The following PTPN21 variants were observed in gnomAD, a reference collection of about 807,000 sequenced individuals.
PTPN21 encodes protein tyrosine phosphatase non-receptor type 21.
A neutral mutation model predicts 131.8 loss-of-function variants in PTPN21; 77 were observed. The observed-to-expected ratio is 0.58, with a 90% confidence interval of 0.49 to 0.71. PTPN21 has a LOEUF of 0.71. PTPN21 is among the 30% of genes least tolerant of loss of function. The pLI, the probability that PTPN21 is intolerant of heterozygous loss-of-function variation, is 0.00. For synonymous variants in PTPN21, 715 were observed against 621.3 expected (o/e 1.15, Z -2.24); for missense variants, 1,552 against 1,527.1 (o/e 1.02, Z -0.27).
intron 1 of PTPN21, chr14:88,552,064 C>T (rs539953322): frequency 6.6e-6 from 1 of 152,366 alleles, no homozygotes; most frequent in South Asian, 2.1e-4. Flanking sequence ...TGAGTTCCGG[C>T]CCGGGACCGC....
At chr14:88,520,719 A>G (rs751644765) in intron 2 of PTPN21, among the ~76,000 whole-genome samples, 4 of 152,200 alleles carry the variant, frequency 2.6e-5, no homozygotes, top group Non-Finnish European at 4.4e-5. Flanking sequence ...TAGGAGTGAA[A>G]TGGTAAAGTC....
At position 88,469,509 on chromosome 14, in the gene PTPN21, C is replaced by T. The variant is rs1266469537; in HGVS notation, c.3225G>A (p.Lys1075=). The T allele has an allele frequency of 3.1e-6, 5 of 1,613,000 alleles. No individual in the cohort carries two copies. Among genetic ancestry groups the T allele is most frequent in the Non-Finnish European group, 4.2e-6 (5 of 1,178,980 alleles). The change falls in exon 17 of 19, where the codon AAG becomes AAA. Residue 1075 remains lysine (K), a synonymous_variant. Coordinates refer to ENST00000556564, the MANE Select transcript of PTPN21 (RefSeq NM_007039.4). This position sits in a 1 kb window ranked among gnomAD's most constrained non-coding sequence, Gnocchi z 4.3. ...WPEHGCPEDL[K]GFLSYLEEIQ... is the part of the protein sequence containing the mutation. Reference sequence around the variant, plus strand: ...GTTAAAGTCACTCACATAAAAATCCCTTGAGGTCTTCTGGACAGCCATGTT... The same window carrying T: ...GTTAAAGTCACTCACATAAAAATCCTTTGAGGTCTTCTGGACAGCCATGTT...
At chr14:88,509,873 T>C (rs10150041) in intron 3 of PTPN21, among the ~76,000 whole-genome samples, 1 of 151,934 alleles carries the variant, frequency 6.6e-6, no homozygotes, top group South Asian at 2.1e-4. Context: ...CCATCTCTAC[T>C]AAAAATACAA....
intron 8 of PTPN21, 33 bp downstream of exon 8, chr14:88,500,750 T>C (rs774320869): frequency 3.9e-5 from 56 of 1,436,392 alleles, no homozygotes; most frequent in East Asian, 1.8e-4. Flanking sequence ...ACAGGAGCCA[T>C]AGAAAACATA....
At chr14:88,539,785 A>AT (rs1168909256) in intron 2 of PTPN21, among the ~76,000 whole-genome samples, 1 of 152,228 alleles carries the variant, frequency 6.6e-6, no homozygotes, top group Non-Finnish European at 1.5e-5. Flanking sequence ...GGTAGCATAC[A>AT]TTATACAAAT....
intron 10 of PTPN21, among the ~76,000 whole-genome samples, chr14:88,495,575 A>C (rs113137046): frequency 0.037 from 5,638 of 152,238 alleles, 354 homozygotes; most frequent in African/African-American, 0.13. Context: ...CAGGAGAATC[A>C]CTTGAACCGG....
At position 88,469,675 on chromosome 14, in the gene PTPN21, G is replaced by C. The variant is rs1407789964; in HGVS notation, c.3059C>G (p.Thr1020Ser). 1 of 1,614,196 alleles carries C rather than the reference G, an allele frequency of 6.2e-7. No homozygotes were observed. ...GATCTTAAACCTTCCATAGGTGACAGTGTTGTGCCTGGAACCAAGTCGTGG... is the reference window on the plus strand; with the variant it reads ...GATCTTAAACCTTCCATAGGTGACACTGTTGTGCCTGGAACCAAGTCGTGG... The part of the protein sequence containing the change: ...YWPRLGSRHN[T>S]VTYGRFKITT... The change falls in exon 17 of 19, where the codon ACT becomes AGT. Residue 1020 changes from threonine to serine, a missense_variant. This residue lies in a region of PTPN21 where 316 missense variants were observed against 378.5 expected (regional missense o/e 0.83). Transcript: ENST00000556564. The surrounding 1 kb of genome is among the most constrained non-coding windows in gnomAD (Gnocchi z 4.3).
Position 88,550,516 on chromosome 14 carries a change from G to A in PTPN21, c.-99C>T, listed in dbSNP as rs867126907. ...GGAGAAAGCGATCCTCTCCGGATGG[G>A]ACGAACACTGTCCGGCCTCCAGCTG... On this transcript the variant is annotated 5_prime_UTR_variant, in exon 2 of 19. Coordinates refer to ENST00000556564, the MANE Select transcript of PTPN21 (RefSeq NM_007039.4). The A allele has an allele frequency of 3.5e-6, 4 of 1,151,322 alleles. No homozygotes were observed. Among genetic ancestry groups the A allele is most frequent in the Middle Eastern group, 5.0e-4 (2 of 4,028 alleles). 71.3% of individuals were successfully genotyped at this position (1,151,322 alleles called of 1,614,324 possible). A position where few individuals can be genotyped will look rare whatever the true frequency, so the allele number is the denominator to read the frequency against.
At chr14:88,472,801 T>G (rs192947343) in intron 14 of PTPN21, among the ~76,000 whole-genome samples, 1 of 151,806 alleles carries the variant, frequency 6.6e-6, no homozygotes, top group East Asian at 1.9e-4. Flanking sequence ...GCCCAGGAGG[T>G]TGAGGCTGCA....
intron 10 of PTPN21, among the ~76,000 whole-genome samples, chr14:88,495,764 T>C (rs1349981422): frequency 6.6e-6 from 1 of 152,168 alleles, no homozygotes; most frequent in African/African-American, 2.4e-5. Context: ...TGGAAGGAGC[T>C]GTCGGAGGAT....
chr14:88,517,336 C>T, intron 2 of PTPN21, 75 bp from the exon 3 acceptor site: 2 of 1,489,782 alleles, frequency 1.3e-6, no homozygotes, highest in South Asian at 2.3e-5. Flanking sequence ...GCACTAATCC[C>T]TGACCTGTGA....
At chr14:88,480,659 CAG>C (rs895303588) in intron 12 of PTPN21, among the ~76,000 whole-genome samples, 31 of 152,178 alleles carry the variant, frequency 2.0e-4, no homozygotes, top group African/African-American at 7.0e-4. Context: ...GAAGTTGAGG[CAG>C]AGATACCATT....
At position 88,534,779 on chromosome 14, in the gene PTPN21, C is replaced by T. The variant is rs115825220; in HGVS notation, c.180+15459G>A. 8.5e-3 allele frequency among the ~76,000 whole-genome samples: 1,296 copies of T among 152,172 alleles called. 27 individuals carry two copies. The highest frequency in any genetic ancestry group is 0.029 in the African/African-American group (1,219 of 41,506). On this transcript the variant is annotated intron_variant, in intron 2 of 18. Coordinates refer to ENST00000556564, the MANE Select transcript of PTPN21 (RefSeq NM_007039.4). Reference sequence around the variant, plus strand: ...ATTCCAGCTACTTGGGAGGCTGAGGCTACTTGGGAGAATGCTTGAGCCTGG... The same window carrying T: ...ATTCCAGCTACTTGGGAGGCTGAGGTTACTTGGGAGAATGCTTGAGCCTGG...
intron 2 of PTPN21, among the ~76,000 whole-genome samples, chr14:88,527,521 T>C (rs1718729321): frequency 6.6e-6 from 1 of 152,190 alleles, no homozygotes; most frequent in South Asian, 2.1e-4. Flanking sequence ...CTTTTCTCAC[T>C]GCTTTGTCTG....
At chr14:88,491,257 A>G (rs1472911418) in intron 10 of PTPN21, among the ~76,000 whole-genome samples, 2 of 152,232 alleles carry the variant, frequency 1.3e-5, no homozygotes, top group African/African-American at 4.8e-5. Flanking sequence ...ATACTAAAAT[A>G]TAGTTATCTG....
rs145819801 is a variant in PTPN21 at position 88,479,631 on chromosome 14, G to C, written c.1800C>G (p.His600Gln). The C allele has an allele frequency of 5.6e-4, 875 of 1,569,200 alleles. 3 individuals carry two copies. In the African/African-American group the frequency reaches 0.011, roughly 20 times the overall value. ...SNPDLITRRV[H>Q]HSVQTFQEDS... is the part of the protein sequence containing the mutation. ...CCTCCTGGAACGTTTGCACCGAGTG[G>C]TGCACGCGCCGCGTGATGAGGTCGG... Residue 600 changes from histidine to glutamine, a missense_variant, in exon 13 of 19, where the codon CAC (histidine) becomes CAG (glutamine). Physicochemically the swap from His to Gln is conservative, Grantham distance 24. Around this residue, in one of 4 missense-constraint regions of PTPN21, gnomAD observed 1,016 missense variants for 883.5 expected, o/e 1.15. Transcript: ENST00000556564.
intron 15 of PTPN21, chr14:88,470,313 A>G: frequency 2.2e-6 from 1 of 455,758 alleles, no homozygotes; most frequent in South Asian, 2.5e-5. Context: ...GCTGAATGTC[A>G]GTTCTCATTT....
chr14:88,551,335 G>C (rs1460105899), intron 1 of PTPN21: 1 of 152,288 alleles, frequency 6.6e-6, no homozygotes, highest in African/African-American at 2.4e-5. Context: ...CGGCCCAGAA[G>C]GGGAGGCGGG....
chr14:88,494,842 TCTCTACTAAAAATACAAAAAATTA>T (rs2077880875), intron 10 of PTPN21, among the ~76,000 whole-genome samples: 1 of 151,138 alleles, frequency 6.6e-6, no homozygotes, highest in Admixed American at 6.6e-5. Context: ...TGAAACCCCA[TCTCTACTAAAAATACAAAAAATTA>T]GCTGGGCGTG....
Sources: gnomAD v4.1 joint callset for allele counts (sites outside exome capture counted in the v4.1 genomes callset) on GRCh38, gnomAD v4.1.1 for gene constraint, gnomAD v4.1.1 regional missense constraint, Gnocchi (gnomAD v3.1) non-coding constraint, MANE v1.5 for transcripts, NCBI Gene and HGNC (gene_info 2026-07-23, HGNC 2026-07-21) for gene names.